SPRED2: variants seen among roughly 807,000 people sequenced by gnomAD.
The protein encoded by SPRED2 is sprouty-related, EVH1 domain-containing protein 2.
A neutral mutation model predicts 43.0 loss-of-function variants in SPRED2; 47 were observed. The observed-to-expected ratio is 1.09, with a 90% CI of 0.87 to 1.40. The LOEUF is 1.40. Among genes scored for constraint, SPRED2 ranks in the 40% most tolerant of loss-of-function variants. The pLI is 0.00. For missense variants in SPRED2, 561 were observed against 586.4 expected (o/e 0.96, Z 0.45); for synonymous variants, 225 against 225.7 (o/e 1.00, Z 0.03).
At chr2:65,341,748 T>A (rs894156695) in intron 2 of SPRED2, among the ~76,000 whole-genome samples, 5 of 152,146 alleles carry the variant, frequency 3.3e-5, no homozygotes. Context: ...AGTGACTAGA[T>A]TAGATAAGCT....
chr2:65,323,073 C>T (rs1673480560), intron 4 of SPRED2, among the ~76,000 whole-genome samples: 1 of 152,216 alleles, frequency 6.6e-6, no homozygotes, highest in African/African-American at 2.4e-5. Flanking sequence ...TGGCTCACCG[C>T]AACCTCCGCC....
chr2:65,367,414 GTA>G (rs1304615340), intron 1 of SPRED2, among the ~76,000 whole-genome samples: 1 of 152,086 alleles, frequency 6.6e-6, no homozygotes, highest in African/African-American at 2.4e-5. Context: ...CAGGCTGACT[GTA>G]TTTCTCTTTT....
chr2:65,389,694 C>T (rs1458740052), intron 1 of SPRED2, among the ~76,000 whole-genome samples: 1 of 152,106 alleles, frequency 6.6e-6, no homozygotes, highest in Admixed American at 6.5e-5. Flanking sequence ...TTTCTGGCAT[C>T]GTTCTCAGAA....
chr2:65,364,598 T>A (rs531697328), intron 1 of SPRED2, among the ~76,000 whole-genome samples: 1 of 152,308 alleles, frequency 6.6e-6, no homozygotes, highest in African/African-American at 2.4e-5. Flanking sequence ...CTGTGTACTG[T>A]AACCAAAGCT....
chr2:65,432,100 G>T lies in SPRED2; in HGVS notation c.-113C>A, dbSNP rs1668877704. ...CGGAGATCGCCTGATTTGGGGAGGG[G>T]GGGCGGCTAGAGATGAAGAGGGCGC... On this transcript the variant is annotated 5_prime_UTR_variant, in exon 1 of 6. Coordinates refer to ENST00000356388, the MANE Select transcript of SPRED2 (RefSeq NM_181784.3). 2.1e-6 allele frequency: 3 copies of T among 1,410,744 alleles called. No individual in the cohort carries two copies. The highest frequency in any genetic ancestry group is 4.7e-5 in the East Asian group (2 of 42,248). The allele number at this position is 1,410,744 out of a possible 1,614,324, so 87.4% of individuals were successfully genotyped here. A position where few individuals can be genotyped will look rare whatever the true frequency, so the allele number is the denominator to read the frequency against.
chr2:65,420,166 C>T (rs1455721883), intron 1 of SPRED2, among the ~76,000 whole-genome samples: 1 of 141,838 alleles, frequency 7.1e-6, no homozygotes, highest in African/African-American at 2.7e-5. Flanking sequence ...GCCAAGACTG[C>T]ACCACTGCAT....
chr2:65,376,965 C>T (rs1438682088), intron 1 of SPRED2, among the ~76,000 whole-genome samples: 1 of 152,174 alleles, frequency 6.6e-6, no homozygotes, highest in Admixed American at 6.5e-5. Context: ...CCGCCTGCCT[C>T]GGCCTCCCAA....
At chr2:65,327,867 G>A (rs1335638382) in intron 4 of SPRED2, among the ~76,000 whole-genome samples, 1 of 151,610 alleles carries the variant, frequency 6.6e-6, no homozygotes, top group Non-Finnish European at 1.5e-5. Context: ...GGGATTACAG[G>A]GGCCCGCCAT....
intron 2 of SPRED2, among the ~76,000 whole-genome samples, chr2:65,338,266 G>A (rs1178073127): frequency 3.7e-5 from 1 of 26,672 alleles, no homozygotes; most frequent in Non-Finnish European, 6.5e-5. Flanking sequence ...TCCCTCTCCC[G>A]TCTCCCTCTC....
chr2:65,324,124 G>A, intron 4 of SPRED2, among the ~76,000 whole-genome samples: 1 of 151,130 alleles, frequency 6.6e-6, no homozygotes, highest in East Asian at 1.9e-4. Context: ...GGAAGAAAAG[G>A]GGGCTCAAGT....
chr2:65,343,170 T>C (rs1294321349), intron 2 of SPRED2, among the ~76,000 whole-genome samples: 1 of 152,256 alleles, frequency 6.6e-6, no homozygotes, highest in African/African-American at 2.4e-5. Context: ...TTATACTTAG[T>C]ACATGGTAAA....
chr2:65,342,809 T>TAC (rs1674233815), intron 2 of SPRED2, among the ~76,000 whole-genome samples: 1 of 152,164 alleles, frequency 6.6e-6, no homozygotes, highest in African/African-American at 2.4e-5. Context: ...ATAAATAAGA[T>TAC]ACACAACTGT....
chr2:65,322,359 T>C (rs2104154509), intron 4 of SPRED2, among the ~76,000 whole-genome samples: 1 of 144,052 alleles, frequency 6.9e-6, no homozygotes, highest in Middle Eastern at 3.6e-3. Flanking sequence ...AGTGGCACGA[T>C]CTCGGCTCAC....
chr2:65,340,511 C>T (rs1364249783), intron 2 of SPRED2, among the ~76,000 whole-genome samples: 2 of 152,178 alleles, frequency 1.3e-5, no homozygotes, highest in African/African-American at 2.4e-5. Flanking sequence ...TGATTAGTCT[C>T]CATAAAGAGG....
At chr2:65,389,547 T>G (rs1290359408) in intron 1 of SPRED2, among the ~76,000 whole-genome samples, 1 of 152,204 alleles carries the variant, frequency 6.6e-6, no homozygotes, top group African/African-American at 2.4e-5. Flanking sequence ...ATTTGTTTAT[T>G]AACAGATTTC....
intron 1 of SPRED2, among the ~76,000 whole-genome samples, chr2:65,346,118 G>T (rs1674342940): frequency 1.3e-5 from 2 of 152,078 alleles, no homozygotes; most frequent in Admixed American, 1.3e-4. Flanking sequence ...CTCAGAACCT[G>T]GTCCCCACAA....
chr2:65,345,504 A>G (rs914738845), intron 1 of SPRED2, among the ~76,000 whole-genome samples: 2 of 151,936 alleles, frequency 1.3e-5, no homozygotes, highest in African/African-American at 4.8e-5. Flanking sequence ...CAGGTGATTT[A>G]CCCATGTTGG....
intron 1 of SPRED2, among the ~76,000 whole-genome samples, chr2:65,413,668 G>T (rs1157485021): frequency 6.6e-6 from 1 of 152,186 alleles, no homozygotes; most frequent in Non-Finnish European, 1.5e-5. Flanking sequence ...TAAGCTGCAG[G>T]GCCAGCCAGT....
rs190412424 is a variant in SPRED2, at chr2:65,327,763, G to A, written c.438+4224C>T. On this transcript the variant is annotated intron_variant, in intron 4 of 5. Coordinates refer to ENST00000356388, the MANE Select transcript of SPRED2 (RefSeq NM_181784.3). ...TTTTGAGACGGAGTCTCGCTCTGTC[G>A]CCCAGGCTGGAGTGCAATGGTGCGG... Among the ~76,000 whole-genome samples the A allele has an allele frequency of 7.8e-3, 889 of 113,704 alleles. 19 individuals carry two copies. The highest frequency in any genetic ancestry group is 0.027 in the African/African-American group (815 of 29,930). The allele number at this position is 113,704 out of a possible 152,430, so 74.6% of individuals were successfully genotyped here. A position where few individuals can be genotyped will look rare whatever the true frequency, so the allele number is the denominator to read the frequency against.
Sources: allele counts gnomAD v4.1 joint callset (sites outside exome capture counted in the v4.1 genomes callset), GRCh38; gene constraint gnomAD v4.1.1; transcripts MANE v1.5; gene names NCBI Gene and HGNC (gene_info 2026-07-23, HGNC 2026-07-21).